CFAP299: variants seen among roughly 807,000 people sequenced by gnomAD.
CFAP299 encodes cilia and flagella associated protein 299.
Under a neutral mutation model 27.0 loss-of-function variants are expected in CFAP299, and 21 were observed. The ratio of observed to expected loss-of-function variants is 0.78; its 90% CI spans 0.55 to 1.12. The LOEUF (loss-of-function observed/expected upper bound fraction) is 1.12, where lower values mean the gene tolerates loss of function less well. Ranked by LOEUF, CFAP299 falls within the 50% of genes most tolerant of loss-of-function variation. The pLI is 0.00. For synonymous variants in CFAP299, 104 were observed against 98.1 expected, an observed-to-expected ratio of 1.06 and a Z score of -0.36; for missense variants, 310 against 276.6, an observed-to-expected ratio of 1.12 and a Z score of -0.86.
At position 80,813,523 on chromosome 4, in the gene CFAP299, T is replaced by C. The variant is rs568686486; in HGVS notation, c.334-56470T>C. ...GGACATCCTTTTCTGTTGATCCTAA[T>C]ATAATTATTGAAAGCAGGTATCTTG... On this transcript the variant is annotated intron_variant, in intron 3 of 5. Coordinates refer to ENST00000358105, the MANE Select transcript of CFAP299 (RefSeq NM_152770.3). 4.6e-5 allele frequency among the ~76,000 whole-genome samples: 7 copies of C among 152,132 alleles called. No individual in the cohort carries two copies. The South Asian group carries it at 1.2e-3, about 27-fold the overall frequency.
At chr4:80,394,437 A>G (rs192014673) in intron 2 of CFAP299, among the ~76,000 whole-genome samples, 138 of 147,430 alleles carry the variant, frequency 9.4e-4, no homozygotes, top group African/African-American at 3.2e-3. Flanking sequence ...ATGCAGTCCC[A>G]TTTGTCTATT....
intron 5 of CFAP299, among the ~76,000 whole-genome samples, chr4:80,950,165 T>A (rs1050195746): frequency 1.6e-4 from 25 of 151,994 alleles, no homozygotes; most frequent in African/African-American, 6.0e-4. Context: ...CATGTGTGTG[T>A]GAGAGAGGAG....
At chr4:80,686,122 A>T (rs1227301206) in intron 3 of CFAP299, among the ~76,000 whole-genome samples, 1 of 149,424 alleles carries the variant, frequency 6.7e-6, no homozygotes, top group Non-Finnish European at 1.5e-5. Flanking sequence ...ATCCATGGGA[A>T]CTTTAATGAA....
intron 2 of CFAP299, among the ~76,000 whole-genome samples, chr4:80,522,665 A>AT (rs1392633952): frequency 1.3e-5 from 2 of 152,036 alleles, no homozygotes; most frequent in African/African-American, 4.8e-5. Context: ...ATCTTGATAT[A>AT]TTTTTTGTGT....
At position 80,794,789 on chromosome 4, in the gene CFAP299, G is replaced by A. The variant is rs78727012; in HGVS notation, c.334-75204G>A. Among the ~76,000 whole-genome samples, 905 of 152,268 alleles carry A rather than the reference G, an allele frequency of 5.9e-3. 5 individuals are homozygous for A. The highest frequency in any genetic ancestry group is 0.02 in the African/African-American group (844 of 41,566). On this transcript the variant is annotated intron_variant, in intron 3 of 5. Coordinates refer to ENST00000358105, the MANE Select transcript of CFAP299 (RefSeq NM_152770.3). ...ATCCAAAGTAAGTGTATATTCCAGC[G>A]AGGACAATACCTTTTCCATAATGGA... is the stretch of plus-strand genomic sequence containing the variant.
chr4:80,633,303 G>A (rs1464713967), intron 3 of CFAP299, among the ~76,000 whole-genome samples: 1 of 151,946 alleles, frequency 6.6e-6, no homozygotes, highest in South Asian at 2.1e-4. Context: ...AAAATTAGCC[G>A]GGCATGGTGG....
intron 3 of CFAP299, among the ~76,000 whole-genome samples, chr4:80,755,730 A>T (rs145966076): frequency 0.011 from 1,715 of 152,236 alleles, 34 homozygotes; most frequent in African/African-American, 0.038. Context: ...TTCTGTGGCC[A>T]GCAGAAATAT....
intron 3 of CFAP299, among the ~76,000 whole-genome samples, chr4:80,752,431 T>A (rs12511203): frequency 2.7e-5 from 4 of 145,548 alleles, no homozygotes; most frequent in African/African-American, 1.0e-4. Flanking sequence ...TATATATAAA[T>A]AAATATATAT....
intron 2 of CFAP299, among the ~76,000 whole-genome samples, chr4:80,570,953 A>G (rs1735554215): frequency 6.6e-6 from 1 of 152,172 alleles, no homozygotes; most frequent in Admixed American, 6.6e-5. Flanking sequence ...GAAACAATAT[A>G]TTACAAATAT....
chr4:80,463,687 G>C (rs1729568767), intron 2 of CFAP299, among the ~76,000 whole-genome samples: 1 of 151,962 alleles, frequency 6.6e-6, no homozygotes, highest in South Asian at 2.1e-4. Flanking sequence ...TCAGATTCGG[G>C]TCCCAACCTT....
intron 3 of CFAP299, among the ~76,000 whole-genome samples, chr4:80,679,468 T>G (rs1212816049): frequency 6.6e-6 from 1 of 152,100 alleles, no homozygotes; most frequent in African/African-American, 2.4e-5. Context: ...GTATGGCAAG[T>G]GCACGTTTCA....
chr4:80,369,279 G>A (rs1578363443), intron 2 of CFAP299, among the ~76,000 whole-genome samples: 1 of 152,320 alleles, frequency 6.6e-6, no homozygotes, highest in African/African-American at 2.4e-5. Flanking sequence ...CGCACATGGA[G>A]CAGCTCCTCC....
intron 3 of CFAP299, among the ~76,000 whole-genome samples, chr4:80,844,404 C>T (rs569935887): frequency 1.1e-3 from 170 of 152,328 alleles, no homozygotes; most frequent in Middle Eastern, 6.8e-3. Flanking sequence ...TCCACATCCT[C>T]TCCAGCACCT....
chr4:80,643,417 G>A (rs1261665833), intron 3 of CFAP299, among the ~76,000 whole-genome samples: 1 of 152,158 alleles, frequency 6.6e-6, no homozygotes, highest in Admixed American at 6.6e-5. Context: ...TTGCTATAAA[G>A]GATTGTGGAT....
intron 2 of CFAP299, among the ~76,000 whole-genome samples, chr4:80,371,026 A>T (rs1460209370): frequency 6.6e-6 from 1 of 152,104 alleles, no homozygotes; most frequent in East Asian, 1.9e-4. Context: ...GCTTTTTCAT[A>T]TATCCTCTGA....
At chr4:80,630,197 T>A (rs1739135263) in intron 3 of CFAP299, among the ~76,000 whole-genome samples, 1 of 152,154 alleles carries the variant, frequency 6.6e-6, no homozygotes, top group African/African-American at 2.4e-5. Flanking sequence ...GAAGTAATGA[T>A]ACAAAAGCAG....
chr4:80,329,387 A>G, the CFAP299 span, among the ~76,000 whole-genome samples: 9 of 152,164 alleles, frequency 5.9e-5, no homozygotes, highest in South Asian at 1.7e-3. Context: ...TTGAAGATTT[A>G]AAGAATCAGG....
intron 2 of CFAP299, among the ~76,000 whole-genome samples, chr4:80,450,254 T>C (rs972448581): frequency 1.2e-4 from 19 of 152,254 alleles, no homozygotes; most frequent in African/African-American, 3.9e-4. Flanking sequence ...GGAAAGAGAA[T>C]TGAAAAGTTC....
In CFAP299 at chr4:80,512,917, A is replaced by G. The variant is rs1442708633; in HGVS notation, c.243-70176A>G. ...TGATTAATGATAATGATTAAAATAA[A>G]TTATATAATAACATGTTTTTAAAGT... On this transcript the variant is annotated intron_variant, in intron 2 of 5. Coordinates refer to ENST00000358105, the MANE Select transcript of CFAP299 (RefSeq NM_152770.3). Among the ~76,000 whole-genome samples, 5 of 152,274 alleles carry G rather than the reference A, an allele frequency of 3.3e-5. 1 individual carries two copies. The highest frequency in any genetic ancestry group is 4.1e-4 in the South Asian group (2 of 4,828).
Sources: allele counts gnomAD v4.1 joint callset (sites outside exome capture counted in the v4.1 genomes callset), GRCh38; gene constraint gnomAD v4.1.1; transcripts MANE v1.5; gene names NCBI Gene and HGNC (gene_info 2026-07-23, HGNC 2026-07-21).